FCRLA: variants seen among roughly 807,000 people sequenced by gnomAD.
FCRLA encodes the protein Fc receptor-like A.
Under a neutral mutation model 28.4 loss-of-function variants are expected in FCRLA, and 26 were observed. The observed-to-expected ratio is 0.91, with a 90% CI of 0.67 to 1.27. The LOEUF (loss-of-function observed/expected upper bound fraction) is 1.27, where lower values mean the gene tolerates loss of function less well. Ranked by LOEUF, FCRLA falls within the 50% of genes most tolerant of loss-of-function variation. FCRLA has a pLI of 0.00. For missense variants in FCRLA, 422 were observed against 433.1 expected (o/e 0.97, Z 0.23); for synonymous variants, 174 against 168.5 (o/e 1.03, Z -0.25).
intron 4 of FCRLA, 29 bp from the exon 5 acceptor site, chr1:161,713,053 CTCT>C: frequency 6.3e-7 from 1 of 1,589,342 alleles, no homozygotes. Flanking sequence ...TCAGACTTCA[CTCT>C]TGTATGTGCC....
At chr1:161,708,942 G>T (rs1682962928) in intron 1 of FCRLA, among the ~76,000 whole-genome samples, 1 of 152,094 alleles carries the variant, frequency 6.6e-6, no homozygotes, top group Non-Finnish European at 1.5e-5. Flanking sequence ...CTTGTGATAA[G>T]AACTGCAGAC....
chr1:161,710,907 C>T lies in FCRLA; in HGVS notation c.227C>T (p.Ser76Phe), dbSNP rs1269974523. ...TFSEPFHLIV[S>F]YDWLILQGPA... ...AGTGAACCCTTCCACCTGATTGTGT[C>T]CTATGGTGAGGTCCTGGGAAGGCCT... The change falls in exon 2 of 5, where the codon TCC becomes TTC. Residue 76 changes from serine to phenylalanine, a missense_variant. Coordinates refer to ENST00000236938, the MANE Select transcript of FCRLA (RefSeq NM_032738.4). 6.2e-7 allele frequency: 1 copy of T among 1,612,848 alleles called. No homozygotes were observed. The highest frequency in any genetic ancestry group is 2.2e-5 in the East Asian group (1 of 44,872).
chr1:161,711,176 G>A, intron 2 of FCRLA, 32 bp from the exon 3 acceptor site: 1 of 1,588,988 alleles, frequency 6.3e-7, no homozygotes, highest in Non-Finnish European at 8.6e-7. Flanking sequence ...GGGAGGCCCT[G>A]GGTGACACTC....
intron 3 of FCRLA, 23 bp downstream of exon 3, chr1:161,711,497 T>C (rs761370681): frequency 7.5e-6 from 12 of 1,600,572 alleles, no homozygotes; most frequent in Non-Finnish European, 1.0e-5. Flanking sequence ...AGCAGCATTG[T>C]CATGGCAGGG....
chr1:161,710,357 AG>A, intron 1 of FCRLA: 2 of 894,692 alleles, frequency 2.2e-6, no homozygotes, highest in Non-Finnish European at 3.6e-6. Flanking sequence ...ACTGCACACA[AG>A]TGCTAGCAGG....
At chr1:161,707,945 T>C (rs1954172) in intron 1 of FCRLA, among the ~76,000 whole-genome samples, 29,819 of 152,110 alleles carry the variant, frequency 0.2, 4,126 homozygotes, top group East Asian at 0.6. Flanking sequence ...TAGCCTTGCC[T>C]CTGTACTCCT....
At chr1:161,710,048 C>T (rs1187880522) in intron 1 of FCRLA, among the ~76,000 whole-genome samples, 2 of 152,138 alleles carry the variant, frequency 1.3e-5, no homozygotes, top group Non-Finnish European at 2.9e-5. Context: ...CTGCTGGGTA[C>T]TGAAAGCTCT....
At chr1:161,712,676 T>C (rs926400937) in intron 4 of FCRLA, among the ~76,000 whole-genome samples, 1 of 152,142 alleles carries the variant, frequency 6.6e-6, no homozygotes, top group African/African-American at 2.4e-5. Context: ...GGGCTGGAGA[T>C]GCTATCCTGA....
intron 2 of FCRLA, 141 bp downstream of exon 2, chr1:161,711,053 T>C: frequency 1.4e-6 from 2 of 1,434,352 alleles, no homozygotes; most frequent in Non-Finnish European, 1.9e-6. Flanking sequence ...ACCAGGGTGC[T>C]CTAAGTCCTA....
chr1:161,711,467 A>C lies in FCRLA; in HGVS notation c.492A>C (p.Thr164=), dbSNP rs1437087268. 6.2e-7 allele frequency: 1 copy of C among 1,612,668 alleles called. No homozygotes were observed. The highest frequency in any genetic ancestry group is 1.7e-5 in the Admixed American group (1 of 59,944). Reference sequence around the variant, plus strand: ...AAACAGCATCTGTTGTGGCTATCACAGTCCAAGGTGAGAGCTAGAAGCAGC... The same window carrying C: ...AAACAGCATCTGTTGTGGCTATCACCGTCCAAGGTGAGAGCTAGAAGCAGC... The part of the protein sequence containing the change: ...IPETASVVAI[T]VQELFPAPIL... The change falls in exon 3 of 5, where the codon ACA becomes ACC. Residue 164 remains threonine, a synonymous_variant. Transcript: ENST00000236938.
In FCRLA at chr1:161,713,597, C is replaced by G; in HGVS notation, c.*217C>G. The G allele has an allele frequency of 2.1e-6, 1 of 483,434 alleles. No homozygotes were observed. The highest frequency in any genetic ancestry group is 3.0e-5 in the South Asian group (1 of 33,062). The allele number at this position is 483,434 out of a possible 1,614,324, so 29.9% of individuals were successfully genotyped here. ...TCTCTCTTAACACAACAGAATTCTG[C>G]TGTCTAGATCAGGAATTTCTATCTG... On this transcript the variant is annotated 3_prime_UTR_variant, in exon 5 of 5. Transcript: ENST00000236938.
At chr1:161,709,704 C>T (rs1683003268) in intron 1 of FCRLA, among the ~76,000 whole-genome samples, 1 of 151,932 alleles carries the variant, frequency 6.6e-6, no homozygotes, top group Non-Finnish European at 1.5e-5. Flanking sequence ...AAGAAGTATG[C>T]ACATGTGAAT....
chr1:161,713,489 G>A lies in FCRLA; in HGVS notation c.*109G>A. 1.1e-6 allele frequency: 1 copy of A among 909,816 alleles called. No homozygotes were observed. The highest frequency in any genetic ancestry group is 1.7e-6 in the Non-Finnish European group (1 of 599,878). The allele number at this position is 909,816 out of a possible 1,614,324, so 56.4% of individuals were successfully genotyped here. On this transcript the variant is annotated 3_prime_UTR_variant, in exon 5 of 5. Coordinates refer to ENST00000236938, the MANE Select transcript of FCRLA (RefSeq NM_032738.4). ...ATAAGTACTTTTACAAGTTGTCCCAGTGTTTTGTTAGAATAATGTAGTTAG... is the reference window on the plus strand; with the variant it reads ...ATAAGTACTTTTACAAGTTGTCCCAATGTTTTGTTAGAATAATGTAGTTAG...
Position 161,707,336 on chromosome 1 carries a change from G to A in FCRLA, c.72G>A (p.Met24Ile). 2 of 1,589,826 alleles carry A rather than the reference G, an allele frequency of 1.3e-6. No individual in the cohort carries two copies. Residue 24 changes from methionine (M) to isoleucine (I), a missense_variant, in exon 1 of 5, where the codon ATG (methionine) becomes ATA (isoleucine). Physicochemically the swap from Met to Ile is conservative, Grantham distance 10. Coordinates refer to ENST00000236938, the MANE Select transcript of FCRLA (RefSeq NM_032738.4). ...LSLGVLWVAQ[M>I]LLAASFETLQ... ...TTGGTGTGCTCTGGGTGGCCCAGAT[G>A]CTACTGGGTAAGTAAAATATTTGAA...
chr1:161,707,769 T>C (rs1682892214), intron 1 of FCRLA, among the ~76,000 whole-genome samples: 1 of 152,226 alleles, frequency 6.6e-6, no homozygotes, highest in Non-Finnish European at 1.5e-5. Context: ...CATATCCTGC[T>C]GGACTTCTCT....
chr1:161,712,265 G>A, intron 4 of FCRLA, 47 bp downstream of exon 4: 1 of 1,573,404 alleles, frequency 6.4e-7, no homozygotes, highest in Non-Finnish European at 8.6e-7. Context: ...ATGCGTGTGA[G>A]TGAAAAGGAG....
chr1:161,708,555 C>T (rs1682944443), intron 1 of FCRLA, among the ~76,000 whole-genome samples: 2 of 152,260 alleles, frequency 1.3e-5, no homozygotes, highest in Non-Finnish European at 2.9e-5. Flanking sequence ...GCAGCCTCTA[C>T]TTTTACCCTC....
Position 161,711,266 on chromosome 1 carries a change from G to A in FCRLA, c.291G>A (p.Leu97=). The A allele has an allele frequency of 1.2e-6, 2 of 1,614,232 alleles. No homozygotes were observed. The highest frequency in any genetic ancestry group is 2.2e-5 in the South Asian group (2 of 91,088). ...TTTTTGAAGGGGACCTGCTGGTTCT[G>A]CGCTGCCAGGCCTGGCAAGACTGGC... ...KPVFEGDLLV[L]RCQAWQDWPL... is the part of the protein sequence containing the mutation. The change falls in exon 3 of 5, where the codon CTG becomes CTA. Residue 97 remains leucine (L), a synonymous_variant. Coordinates refer to ENST00000236938, the MANE Select transcript of FCRLA (RefSeq NM_032738.4).
chr1:161,713,440 T>C lies in FCRLA; in HGVS notation c.*60T>C, dbSNP rs1571070977. The C allele has an allele frequency of 7.1e-7, 1 of 1,401,666 alleles. No homozygotes were observed. Among genetic ancestry groups the C allele is most frequent in the East Asian group, 2.3e-5 (1 of 43,576 alleles). The allele number at this position is 1,401,666 out of a possible 1,614,324, so 86.8% of individuals were successfully genotyped here. A position where few individuals can be genotyped will look rare whatever the true frequency, so the allele number is the denominator to read the frequency against. On this transcript the variant is annotated 3_prime_UTR_variant, in exon 5 of 5. Coordinates refer to ENST00000236938, the MANE Select transcript of FCRLA (RefSeq NM_032738.4). ...CCCCAATAAATCTGATTCTTTATTTTCTCTTCCTGTCCTGCACATATGCAT... is the reference window on the plus strand; with the variant it reads ...CCCCAATAAATCTGATTCTTTATTTCCTCTTCCTGTCCTGCACATATGCAT...
Sources: allele counts gnomAD v4.1 joint callset (sites outside exome capture counted in the v4.1 genomes callset), GRCh38; gene constraint gnomAD v4.1.1; transcripts MANE v1.5; gene names NCBI Gene and HGNC (gene_info 2026-07-23, HGNC 2026-07-21).